ACOT7: variants seen among roughly 807,000 people sequenced by gnomAD.
ACOT7 encodes acyl-CoA thioesterase 7.
Under a neutral mutation model 40.2 loss-of-function variants are expected in ACOT7, and 12 were observed. That is an observed-to-expected ratio of 0.30 (90% confidence interval 0.19 to 0.48). ACOT7 has a LOEUF of 0.48. Ranked by LOEUF, ACOT7 falls within the 20% of genes least tolerant of loss-of-function variation. ACOT7 has a pLI of 0.99. For synonymous variants in ACOT7, 228 were observed against 219.5 expected (o/e 1.04, Z -0.34); for missense variants, 395 against 530.8 (o/e 0.74, Z 2.51).
intron 1 of ACOT7, among the ~76,000 whole-genome samples, chr1:6,357,093 C>G (rs1641766436): frequency 6.6e-6 from 1 of 150,592 alleles, no homozygotes; most frequent in South Asian, 2.1e-4. Flanking sequence ...CAAAATTAGC[C>G]AACCATGGTG....
chr1:6,335,418 G>A (rs907557315), intron 3 of ACOT7, among the ~76,000 whole-genome samples: 17 of 152,052 alleles, frequency 1.1e-4, no homozygotes, highest in Admixed American at 5.2e-4. Flanking sequence ...GCTTGAGCCC[G>A]GAAGGCAGAG....
At chr1:6,393,137 C>T in intron 1 of ACOT7, 120 bp downstream of exon 1, 2 of 1,091,450 alleles carry the variant, frequency 1.8e-6, no homozygotes, top group Non-Finnish European at 2.3e-6. Flanking sequence ...GAAGGCCGTG[C>T]GGGGAATCGG....
At chr1:6,353,839 T>G (rs984404301) in intron 1 of ACOT7, among the ~76,000 whole-genome samples, 1 of 151,062 alleles carries the variant, frequency 6.6e-6, no homozygotes, top group Non-Finnish European at 1.5e-5. Flanking sequence ...TTCCCCCTCC[T>G]CTGACCCCAG....
Position 6,282,595 on chromosome 1 carries a change from A to C in ACOT7, c.830-1309T>G. On this transcript the variant is annotated intron_variant, in intron 7 of 8. Coordinates refer to ENST00000361521, the MANE Select transcript of ACOT7 (RefSeq NM_007274.4). The surrounding 1 kb of genome is among the most constrained non-coding windows in gnomAD (Gnocchi z 4.5). ...GAGACCAGCCTCACAAGGCAGGTTT[A>C]GAGACCCAGAGTGAGAAAGCGGCCA... The C allele has an allele frequency of 1.6e-6, 1 of 633,218 alleles. No individual in the cohort carries two copies. Among genetic ancestry groups the C allele is most frequent in the Non-Finnish European group, 2.5e-6 (1 of 396,162 alleles). 39.2% of individuals were successfully genotyped at this position (633,218 alleles called of 1,614,324 possible). A position where few individuals can be genotyped will look rare whatever the true frequency, so the allele number is the denominator to read the frequency against.
intron 8 of ACOT7, among the ~76,000 whole-genome samples, chr1:6,267,889 G>A (rs1217828903): frequency 1.3e-5 from 2 of 152,164 alleles, no homozygotes; most frequent in Admixed American, 1.3e-4. Flanking sequence ...CTCCTCTTTT[G>A]TAAAATGGGC....
intron 4 of ACOT7, among the ~76,000 whole-genome samples, chr1:6,328,005 C>CGCAA (rs1189890831): frequency 6.6e-6 from 1 of 152,170 alleles, no homozygotes; most frequent in African/African-American, 2.4e-5. Flanking sequence ...ATCTCTTGAC[C>CGCAA]TTGCGATCTG....
intron 1 of ACOT7, chr1:6,360,501 G>T: frequency 6.3e-7 from 1 of 1,587,190 alleles, no homozygotes; most frequent in Non-Finnish European, 8.6e-7. Context: ...ACACAGGACA[G>T]GTCCTCCCAA....
intron 7 of ACOT7, among the ~76,000 whole-genome samples, chr1:6,293,245 CG>C (rs1639723980): frequency 6.6e-6 from 1 of 152,144 alleles, no homozygotes; most frequent in Non-Finnish European, 1.5e-5. Flanking sequence ...CAACTGAGCA[CG>C]GCAAGTCCTA....
intron 1 of ACOT7, among the ~76,000 whole-genome samples, chr1:6,351,341 C>T (rs1241643179): frequency 3.3e-5 from 5 of 152,260 alleles, no homozygotes; most frequent in African/African-American, 1.2e-4. Flanking sequence ...GCCGGGGGAT[C>T]CCCAGAGCAC....
rs372624191 is a variant in ACOT7, at chr1:6,374,821, C to T, written c.143+18436G>A. On this transcript the variant is annotated intron_variant, in intron 1 of 8. Transcript: ENST00000361521. ...CCGGCATCAGTGAGCCCCTAGGTCT[C>T]GGCCAGTTGAAGGGAACAACCACGT... Among the ~76,000 whole-genome samples, 9 of 152,300 alleles carry T rather than the reference C, an allele frequency of 5.9e-5. No individual in the cohort carries two copies. In the East Asian group the frequency reaches 1.5e-3, roughly 26 times the overall value.
At chr1:6,340,126 C>T (rs928892359) in intron 2 of ACOT7, among the ~76,000 whole-genome samples, 9 of 152,038 alleles carry the variant, frequency 5.9e-5, no homozygotes, top group South Asian at 4.1e-4. Context: ...CCACCATGCC[C>T]GGCTAATTTT....
intron 8 of ACOT7, among the ~76,000 whole-genome samples, chr1:6,273,329 C>T (rs984860904): frequency 3.3e-5 from 5 of 152,252 alleles, no homozygotes; most frequent in African/African-American, 9.6e-5. Context: ...CACCCATGCT[C>T]GGGTTCTAGG....
Position 6,278,269 on chromosome 1 carries a change from C to T in ACOT7, c.1014+2833G>A, listed in dbSNP as rs1639256458. On this transcript the variant is annotated intron_variant, in intron 8 of 8. Transcript: ENST00000361521. The surrounding 1 kb of genome is among the most constrained non-coding windows in gnomAD (Gnocchi z 4.1). ...GGAGTGAGCTTGCTGCACCCACACC[C>T]AGGGCATGGAGGAGCCACCGTGCAT... is the stretch of plus-strand genomic sequence containing the variant. Among the ~76,000 whole-genome samples, 1 of 152,098 alleles carries T rather than the reference C, an allele frequency of 6.6e-6. No homozygotes were observed. Among genetic ancestry groups the T allele is most frequent in the Non-Finnish European group, 1.5e-5 (1 of 68,008 alleles).
rs1300478691 is a variant in ACOT7 at position 6,306,144 on chromosome 1, G to A, written c.713-11164C>T. 2.9e-5 allele frequency: 21 copies of A among 713,842 alleles called. No homozygotes were observed. Among genetic ancestry groups the A allele is most frequent in the South Asian group, 1.3e-4 (2 of 15,596 alleles). The allele number at this position is 713,842 out of a possible 1,614,324, so 44.2% of individuals were successfully genotyped here. A position where few individuals can be genotyped will look rare whatever the true frequency, so the allele number is the denominator to read the frequency against. ...AGTGAGCCAAGATGGCAGCAGCACA[G>A]TCCAGCTTCGGCTCGGCATCAGAGG... On this transcript the variant is annotated intron_variant, in intron 6 of 8. Transcript: ENST00000361521. This position sits in a 1 kb window ranked among gnomAD's most constrained non-coding sequence, Gnocchi z 4.3.
chr1:6,340,695 G>T (rs909828223), intron 2 of ACOT7, among the ~76,000 whole-genome samples: 1 of 152,040 alleles, frequency 6.6e-6, no homozygotes, highest in Non-Finnish European at 1.5e-5. Context: ...TTCATTCAAC[G>T]TAGGAAAAAT....
At chr1:6,364,050 C>A (rs894724685) in intron 1 of ACOT7, among the ~76,000 whole-genome samples, 7 of 152,012 alleles carry the variant, frequency 4.6e-5, no homozygotes, top group Non-Finnish European at 1.5e-5. Flanking sequence ...GATGACAGAG[C>A]GAGACCTTGT....
At chr1:6,332,477 C>T (rs780754153) in intron 4 of ACOT7, among the ~76,000 whole-genome samples, 1 of 152,214 alleles carries the variant, frequency 6.6e-6, no homozygotes, top group African/African-American at 2.4e-5. Context: ...CCCACAGGCC[C>T]GCCCATGGCA....
intron 6 of ACOT7, among the ~76,000 whole-genome samples, chr1:6,307,471 G>A (rs748846271): frequency 3.3e-5 from 5 of 152,244 alleles, no homozygotes; most frequent in Non-Finnish European, 7.3e-5. Flanking sequence ...TGGTGCCTTG[G>A]AATAAAAAGT....
In ACOT7 at chr1:6,275,533, A is replaced by G. The variant is rs561391166; in HGVS notation, c.1014+5569T>C. Among the ~76,000 whole-genome samples, 4 of 152,228 alleles carry G rather than the reference A, an allele frequency of 2.6e-5. No individual in the cohort carries two copies. The East Asian group carries it at 5.8e-4, about 22-fold the overall frequency. On this transcript the variant is annotated intron_variant, in intron 8 of 8. Transcript: ENST00000361521. This position sits in a 1 kb window ranked among gnomAD's most constrained non-coding sequence, Gnocchi z 5.6. ...GGATCACGAGACCAGCCTGGCCAAC[A>G]TGGTGAAACCCCATTTCTACTAAAA...
Sources: allele counts gnomAD v4.1 joint callset (sites outside exome capture counted in the v4.1 genomes callset), GRCh38; gene constraint gnomAD v4.1.1; non-coding constraint Gnocchi (gnomAD v3.1); transcripts MANE v1.5; gene names NCBI Gene and HGNC (gene_info 2026-07-23, HGNC 2026-07-21).